ASCC3: variants seen among roughly 807,000 people sequenced by gnomAD.
The protein encoded by ASCC3 is activating signal cointegrator 1 complex subunit 3.
Under a neutral mutation model 256.3 loss-of-function variants are expected in ASCC3, and 158 were observed. The observed-to-expected ratio is 0.62, with a 90% CI of 0.54 to 0.70. The LOEUF (loss-of-function observed/expected upper bound fraction) is 0.70, where lower values mean the gene tolerates loss of function less well. Among genes scored for constraint, ASCC3 ranks in the 30% least tolerant of loss-of-function variants. The pLI is 0.00. For synonymous variants in ASCC3, 948 were observed against 883.4 expected, an observed-to-expected ratio of 1.07 and a Z score of -1.30; for missense variants, 2,259 against 2,626.0, an observed-to-expected ratio of 0.86 and a Z score of 3.05.
At chr6:100,710,848 A>T (rs1778822133) in intron 13 of ASCC3, among the ~76,000 whole-genome samples, 1 of 152,140 alleles carries the variant, frequency 6.6e-6, no homozygotes, top group Non-Finnish European at 1.5e-5. Context: ...AGAGTCATAT[A>T]ACAAATACGT....
At chr6:100,805,558 C>T (rs1298456825) in intron 5 of ASCC3, among the ~76,000 whole-genome samples, 2 of 152,070 alleles carry the variant, frequency 1.3e-5, no homozygotes, top group African/African-American at 4.8e-5. Context: ...TTACCAAAAA[C>T]TGCCATACCC....
In ASCC3 at chr6:100,653,212, T is replaced by C. The variant is rs542256457; in HGVS notation, c.2824-323A>G. Among the ~76,000 whole-genome samples the C allele has an allele frequency of 3.9e-5, 6 of 152,316 alleles. No homozygotes were observed. In the East Asian group the frequency reaches 1.2e-3, roughly 29 times the overall value. ...AAATCAAATTTTAAAAACTCAATAA[T>C]TGTCTTCTTTCTCCCATACTAAAGT... On this transcript the variant is annotated intron_variant, in intron 17 of 41. Coordinates refer to ENST00000369162, the MANE Select transcript of ASCC3 (RefSeq NM_006828.4).
Position 100,800,498 on chromosome 6 carries a change from C to G in ASCC3, c.929G>C (p.Cys310Ser). The change falls in exon 6 of 42, where the codon TGT becomes TCT. Residue 310 changes from cysteine to serine, a missense_variant. Transcript: ENST00000369162. ...AGCATTTTCTCCTAAAATTTTTTTA[C>G]AATTGTCTAAGAAGCAAATTTAAGA... ...DHRFQALQDN[C>S]KKILGENAKP... is the part of the protein sequence containing the mutation. 2 of 1,605,292 alleles carry G rather than the reference C, an allele frequency of 1.2e-6. No homozygotes were observed. The highest frequency in any genetic ancestry group is 8.5e-7 in the Non-Finnish European group (1 of 1,174,762).
Position 100,867,929 on chromosome 6 carries a change from A to T in ASCC3, c.69T>A (p.Asn23Lys), listed in dbSNP as rs148255143. 4.3e-6 allele frequency: 7 copies of T among 1,613,430 alleles called. No individual in the cohort carries two copies. The highest frequency in any genetic ancestry group is 5.9e-6 in the Non-Finnish European group (7 of 1,179,570). ...FSNVTKQDNY[N>K]EEVADLKIKR... Reference sequence around the variant, plus strand: ...CTACCTTTAAGTCAGCCACTTCTTCATTATAATTATCTTGCTTGGTGACAT... The same window carrying T: ...CTACCTTTAAGTCAGCCACTTCTTCTTTATAATTATCTTGCTTGGTGACAT... Residue 23 changes from asparagine to lysine, a missense_variant, in exon 2 of 42, where the codon AAT (asparagine) becomes AAA (lysine). Transcript: ENST00000369162.
rs1413905241 is a variant in ASCC3, at chr6:100,662,360, A to T, written c.2463T>A (p.His821Gln). 19 of 1,612,938 alleles carry T rather than the reference A, an allele frequency of 1.2e-5. No individual in the cohort carries two copies. The highest frequency in any genetic ancestry group is 1.6e-5 in the Non-Finnish European group (19 of 1,179,264). ...AAGCTCTTACCTTAATAATAACAGCATGGGCGGGAAGATTGACACCCCAGG... is the reference window on the plus strand; with the variant it reads ...AAGCTCTTACCTTAATAATAACAGCTTGGGCGGGAAGATTGACACCCCAGG... ...TLAWGVNLPA[H>Q]AVIIKGTQIY... The change falls in exon 15 of 42, where the codon CAT becomes CAA. Residue 821 changes from histidine (H) to glutamine (Q), a missense_variant. Physicochemically the swap from His to Gln is conservative, Grantham distance 24. Around this residue, in one of 2 missense-constraint regions of ASCC3, gnomAD observed 1,839 missense variants for 2,206.7 expected, o/e 0.83. Transcript: ENST00000369162.
chr6:100,540,314 A>C lies in ASCC3; in HGVS notation c.5624T>G (p.Leu1875Arg), dbSNP rs758031028. The C allele has an allele frequency of 6.2e-7, 1 of 1,613,862 alleles. No homozygotes were observed. Among genetic ancestry groups the C allele is most frequent in the Non-Finnish European group, 8.5e-7 (1 of 1,179,996 alleles). ...TGAATGAGGATTTGATTCAATGGGA[A>C]GACATTTTGCCAGTTCACTATTCAT... Reference protein sequence around the residue: ...DHMNSELAKCLPIESNPHSFD... With the variant: ...DHMNSELAKCRPIESNPHSFD... Residue 1875 changes from leucine to arginine, a missense_variant, in exon 37 of 42, where the codon CTT (leucine) becomes CGT (arginine). Around this residue, in one of 2 missense-constraint regions of ASCC3, gnomAD observed 1,839 missense variants for 2,206.7 expected, o/e 0.83. Coordinates refer to ENST00000369162, the MANE Select transcript of ASCC3 (RefSeq NM_006828.4).
chr6:100,530,438 G>C, intron 37 of ASCC3: 2 of 829,064 alleles, frequency 2.4e-6, no homozygotes, highest in South Asian at 2.7e-5. Flanking sequence ...ATATATGAGA[G>C]AGTGTAAAAG....
intron 10 of ASCC3, among the ~76,000 whole-genome samples, chr6:100,727,359 A>G (rs1779679947): frequency 6.6e-6 from 1 of 151,986 alleles, no homozygotes; most frequent in Non-Finnish European, 1.5e-5. Flanking sequence ...CTTGTCCCAA[A>G]AGGAATTTTT....
intron 36 of ASCC3, among the ~76,000 whole-genome samples, chr6:100,554,022 T>C (rs1014595424): frequency 1.3e-5 from 2 of 152,186 alleles, no homozygotes; most frequent in African/African-American, 4.8e-5. Flanking sequence ...AAATATGAGA[T>C]ATGCCTTTCA....
At chr6:100,669,857 T>C (rs1183959062) in intron 14 of ASCC3, among the ~76,000 whole-genome samples, 1 of 151,866 alleles carries the variant, frequency 6.6e-6, no homozygotes, top group Non-Finnish European at 1.5e-5. Context: ...CCCACCACTA[T>C]CTGAAATAAG....
At chr6:100,800,222 A>G in intron 6 of ASCC3, 78 bp downstream of exon 6, 1 of 1,486,912 alleles carries the variant, frequency 6.7e-7, no homozygotes, top group Non-Finnish European at 9.4e-7. Context: ...TACTGCTAAG[A>G]CTAAACTAAA....
At chr6:100,759,122 T>C (rs1582820154) in intron 10 of ASCC3, among the ~76,000 whole-genome samples, 2 of 152,346 alleles carry the variant, frequency 1.3e-5, no homozygotes, top group African/African-American at 4.8e-5. Context: ...AAGTTCCTTG[T>C]AGATTCTGGA....
At chr6:100,656,354 A>C (rs1775914795) in intron 16 of ASCC3, among the ~76,000 whole-genome samples, 1 of 151,666 alleles carries the variant, frequency 6.6e-6, no homozygotes, top group Non-Finnish European at 1.5e-5. Flanking sequence ...ATGTAATATG[A>C]ATACAATAAA....
intron 33 of ASCC3, among the ~76,000 whole-genome samples, chr6:100,604,698 C>T (rs1772798895): frequency 6.6e-6 from 1 of 151,898 alleles, no homozygotes; most frequent in African/African-American, 2.4e-5. Flanking sequence ...CTGCCTCAGC[C>T]TTCCAAAGTG....
intron 4 of ASCC3, among the ~76,000 whole-genome samples, chr6:100,843,981 A>G (rs1394689067): frequency 1.3e-5 from 2 of 151,678 alleles, no homozygotes; most frequent in African/African-American, 4.8e-5. Context: ...AAATCCTCAC[A>G]GCAACACTGT....
chr6:100,519,329 T>TATAC (rs1774187707), intron 37 of ASCC3, among the ~76,000 whole-genome samples: 1 of 152,162 alleles, frequency 6.6e-6, no homozygotes, highest in Non-Finnish European at 1.5e-5. Context: ...ACCTGCTAGA[T>TATAC]ATACATCATA....
At chr6:100,729,148 T>G (rs536432303) in intron 10 of ASCC3, among the ~76,000 whole-genome samples, 1 of 151,960 alleles carries the variant, frequency 6.6e-6, no homozygotes, top group African/African-American at 2.4e-5. Flanking sequence ...GAGCAAAAAG[T>G]AAATCAAAAT....
intron 36 of ASCC3, among the ~76,000 whole-genome samples, chr6:100,555,596 T>C (rs191737724): frequency 2.0e-5 from 3 of 152,308 alleles, no homozygotes; most frequent in East Asian, 3.9e-4. Context: ...GGAACATCTA[T>C]TTCCCAGGAT....
At chr6:100,704,747 TG>T (rs1170495306) in intron 13 of ASCC3, among the ~76,000 whole-genome samples, 2 of 152,006 alleles carry the variant, frequency 1.3e-5, no homozygotes, top group African/African-American at 4.8e-5. Flanking sequence ...AGACTTTTTT[TG>T]TCTTTAGTAT....
Sources: allele counts gnomAD v4.1 joint callset (sites outside exome capture counted in the v4.1 genomes callset), GRCh38; gene constraint gnomAD v4.1.1; regional missense constraint gnomAD v4.1.1; transcripts MANE v1.5; gene names NCBI Gene and HGNC (gene_info 2026-07-23, HGNC 2026-07-21).